TMBIM4: variants seen among roughly 807,000 people sequenced by gnomAD.
TMBIM4 encodes transmembrane BAX inhibitor motif containing 4.
Under a neutral mutation model 27.7 loss-of-function variants are expected in TMBIM4, and 28 were observed. The ratio of observed to expected loss-of-function variants is 1.01; its 90% CI spans 0.75 to 1.38. The LOEUF is 1.38. Ranked by LOEUF, TMBIM4 falls within the 40% of genes most tolerant of loss-of-function variation. The pLI is 0.00. For missense variants in TMBIM4, 265 were observed against 277.5 expected (o/e 0.95, Z 0.32); for synonymous variants, 115 against 113.1 (o/e 1.02, Z -0.11).
intron 1 of TMBIM4, among the ~76,000 whole-genome samples, chr12:66,164,488 C>T (rs1396109211): frequency 6.6e-6 from 1 of 152,172 alleles, no homozygotes; most frequent in East Asian, 1.9e-4. Flanking sequence ...AGTACATGCT[C>T]TTATACAAGG....
Position 66,150,947 on chromosome 12 carries a change from TCCTC to T in TMBIM4, c.312+1320_312+1323del, listed in dbSNP as rs148976587. On this transcript the variant is annotated intron_variant, in intron 3 of 6. Transcript: ENST00000358230. Reference sequence around the variant, plus strand: ...TATGATATCATCATTTCTGGAATCTTCCTCCAGTTCTCCAGTTCATCTTCTTGAA... The same window carrying T: ...TATGATATCATCATTTCTGGAATCTTCAGTTCTCCAGTTCATCTTCTTGAA... Among the ~76,000 whole-genome samples the T allele has an allele frequency of 5.7e-4, 87 of 152,350 alleles. 2 individuals carry two copies. In the East Asian group the frequency reaches 0.016, roughly 28 times the overall value.
intron 1 of TMBIM4, chr12:66,160,251 G>A (rs543528033): frequency 7.0e-5 from 49 of 703,086 alleles, no homozygotes; most frequent in South Asian, 6.7e-4. Context: ...TGTGGCTGAG[G>A]GTGCAGAAGG....
At chr12:66,149,444 CAAAAA>C (rs61425460) in intron 3 of TMBIM4, among the ~76,000 whole-genome samples, 8 of 74,506 alleles carry the variant, frequency 1.1e-4, no homozygotes, top group Non-Finnish European at 2.4e-5. Context: ...GACCCTGTCT[CAAAAA>C]AAAAAAAAAA....
rs527313136 is a variant in TMBIM4, at chr12:66,166,253, C to A, written c.97+3602G>T. ...GCCAAGGTGGGTGGATCACTTGAGC[C>A]CACGAGTTTGAGACCAGCCTGACTA... On this transcript the variant is annotated intron_variant, in intron 1 of 6. Coordinates refer to ENST00000358230, the MANE Select transcript of TMBIM4 (RefSeq NM_016056.4). 3.4e-4 allele frequency among the ~76,000 whole-genome samples: 52 copies of A among 151,992 alleles called. 1 individual carries two copies. Among genetic ancestry groups the A allele is most frequent in the African/African-American group, 1.2e-3 (50 of 41,472 alleles).
intron 3 of TMBIM4, among the ~76,000 whole-genome samples, chr12:66,149,444 C>CAAAAA (rs61425460): frequency 1.8e-4 from 13 of 74,248 alleles, no homozygotes; most frequent in South Asian, 1.4e-3. Flanking sequence ...GACCCTGTCT[C>CAAAAA]AAAAAAAAAA....
intron 5 of TMBIM4, chr12:66,139,084 G>T (rs907422184): frequency 1.4e-5 from 3 of 207,908 alleles, no homozygotes; most frequent in East Asian, 2.3e-4. Flanking sequence ...TTAATTCAGA[G>T]ATCTATAAAA....
intron 6 of TMBIM4, among the ~76,000 whole-genome samples, chr12:66,138,515 T>A (rs2051614673): frequency 6.6e-6 from 1 of 152,236 alleles, no homozygotes; most frequent in South Asian, 2.1e-4. Context: ...ATTCATTTAT[T>A]CATTCATCTT....
chr12:66,141,729 G>C (rs938599270), intron 5 of TMBIM4, among the ~76,000 whole-genome samples: 35 of 152,224 alleles, frequency 2.3e-4, no homozygotes, highest in African/African-American at 7.5e-4. Flanking sequence ...GATATTACTA[G>C]AGCTAAAGAA....
At chr12:66,166,766 T>G (rs901961797) in intron 1 of TMBIM4, among the ~76,000 whole-genome samples, 3 of 152,238 alleles carry the variant, frequency 2.0e-5, no homozygotes, top group African/African-American at 7.2e-5. Context: ...ATTCTCTTAC[T>G]ATACAACACG....
intron 1 of TMBIM4, among the ~76,000 whole-genome samples, chr12:66,156,837 T>C (rs1280671177): frequency 2.0e-5 from 3 of 152,166 alleles, no homozygotes; most frequent in Non-Finnish European, 4.4e-5. Flanking sequence ...TAGTGGTTTA[T>C]GGTAAGTCAC....
At chr12:66,138,582 C>T (rs1177997775) in intron 6 of TMBIM4, 142 bp downstream of exon 6, 2 of 604,974 alleles carry the variant, frequency 3.3e-6, no homozygotes, top group Non-Finnish European at 5.3e-6. Flanking sequence ...AGGGATAATT[C>T]TATAATCATT....
At chr12:66,155,388 T>G (rs1156312310) in intron 1 of TMBIM4, among the ~76,000 whole-genome samples, 1 of 124,860 alleles carries the variant, frequency 8.0e-6, no homozygotes. Flanking sequence ...CACCCAGGCT[T>G]AAGTGCAGTG....
intron 1 of TMBIM4, among the ~76,000 whole-genome samples, chr12:66,160,612 T>G (rs1192741797): frequency 6.6e-6 from 1 of 152,234 alleles, no homozygotes; most frequent in African/African-American, 2.4e-5. Context: ...ACTGTAAAAG[T>G]GCTCAAGTAA....
At position 66,153,291 on chromosome 12, in the gene TMBIM4, G is replaced by T. The variant is rs767573945; in HGVS notation, c.206+49C>A. On this transcript the variant is annotated intron_variant, in intron 2 of 6. Coordinates refer to ENST00000358230, the MANE Select transcript of TMBIM4 (RefSeq NM_016056.4). ...GATTTTGTTTATAATATGCCTTTTT[G>T]ATCATATGCAATGTCTGAAAATTAT... 1.9e-5 allele frequency: 21 copies of T among 1,101,674 alleles called. No individual in the cohort carries two copies. In the South Asian group the frequency reaches 2.8e-4, roughly 15 times the overall value. 68.2% of individuals were successfully genotyped at this position (1,101,674 alleles called of 1,614,324 possible). A position where few individuals can be genotyped will look rare whatever the true frequency, so the allele number is the denominator to read the frequency against.
chr12:66,156,075 C>G (rs1031546593), intron 1 of TMBIM4, among the ~76,000 whole-genome samples: 1 of 152,132 alleles, frequency 6.6e-6, no homozygotes, highest in African/African-American at 2.4e-5. Flanking sequence ...TAAGCCAAAT[C>G]CCAGGCAAAA....
intron 3 of TMBIM4, 29 bp from the exon 4 acceptor site, chr12:66,147,970 T>A: frequency 6.3e-7 from 1 of 1,598,964 alleles, no homozygotes; most frequent in Non-Finnish European, 8.5e-7. Flanking sequence ...AATTAGTGAC[T>A]GTAAAATTTA....
Position 66,137,908 on chromosome 12 carries a change from T to C in TMBIM4, c.*52A>G. The C allele has an allele frequency of 6.6e-7, 1 of 1,516,234 alleles. No homozygotes were observed. The highest frequency in any genetic ancestry group is 1.1e-5 in the South Asian group (1 of 87,378). The allele number at this position is 1,516,234 out of a possible 1,614,324, so 93.9% of individuals were successfully genotyped here. ...CTGCTTCCAATTACTTTAATCCTTT[T>C]TTCTCATTAAATTTTTTTTGTTGTT... On this transcript the variant is annotated 3_prime_UTR_variant, in exon 7 of 7. Coordinates refer to ENST00000358230, the MANE Select transcript of TMBIM4 (RefSeq NM_016056.4).
At chr12:66,138,936 C>T (rs2051621987) in intron 5 of TMBIM4, 167 bp from the exon 6 acceptor site, 2 of 1,023,750 alleles carry the variant, frequency 2.0e-6, no homozygotes, top group Non-Finnish European at 2.6e-6. Flanking sequence ...CATCTTGGAT[C>T]TTTTTTTTAA....
chr12:66,167,467 T>C (rs1344583024), intron 1 of TMBIM4, among the ~76,000 whole-genome samples: 1 of 152,186 alleles, frequency 6.6e-6, no homozygotes, highest in Non-Finnish European at 1.5e-5. Flanking sequence ...CCAAGGAAAA[T>C]GTATAAATGC....
Sources: gnomAD v4.1 joint callset for allele counts (sites outside exome capture counted in the v4.1 genomes callset) on GRCh38, gnomAD v4.1.1 for gene constraint, MANE v1.5 for transcripts, NCBI Gene and HGNC (gene_info 2026-07-23, HGNC 2026-07-21) for gene names.